The following RAB3IP variants were observed in gnomAD, a reference collection of about 807,000 sequenced individuals.
RAB3IP encodes the protein RAB3A interacting protein.
Under a neutral mutation model 59.1 loss-of-function variants are expected in RAB3IP, and 36 were observed. The ratio of observed to expected loss-of-function variants is 0.61; its 90% CI spans 0.47 to 0.80. The LOEUF is 0.80. Among genes scored for constraint, RAB3IP ranks in the 30% least tolerant of loss-of-function variants. The pLI, the probability that RAB3IP is intolerant of heterozygous loss-of-function variation, is 0.00. For missense variants in RAB3IP, 511 were observed against 536.0 expected (o/e 0.95, Z 0.46); for synonymous variants, 207 against 191.2 (o/e 1.08, Z -0.68).
intron 3 of RAB3IP, among the ~76,000 whole-genome samples, chr12:69,759,724 G>A (rs1240086820): frequency 3.3e-5 from 5 of 150,584 alleles, no homozygotes; most frequent in East Asian, 4.0e-4. Context: ...CCTCCCGGAC[G>A]GGGCGGCTGC....
chr12:69,788,061 G>A (rs1369120635), intron 4 of RAB3IP, among the ~76,000 whole-genome samples: 6 of 152,040 alleles, frequency 3.9e-5, no homozygotes, highest in Non-Finnish European at 8.8e-5. Context: ...GATTGAATAT[G>A]TTACTTTATT....
chr12:69,741,296 G>T (rs898646553), intron 1 of RAB3IP, among the ~76,000 whole-genome samples: 1 of 152,202 alleles, frequency 6.6e-6, no homozygotes, highest in Admixed American at 6.5e-5. Flanking sequence ...AGAAAGTTGC[G>T]ATAATTTGTC....
chr12:69,800,405 A>G, intron 7 of RAB3IP, 68 bp downstream of exon 7: 1 of 962,070 alleles, frequency 1.0e-6, no homozygotes. Context: ...ACTAAATCAT[A>G]TTACATATTT....
At chr12:69,784,036 CT>C (rs1310399959) in intron 3 of RAB3IP, among the ~76,000 whole-genome samples, 9 of 152,232 alleles carry the variant, frequency 5.9e-5, no homozygotes, top group East Asian at 1.9e-4. Context: ...TTCTCCCCCC[CT>C]ATGTTTGAAA....
intron 3 of RAB3IP, among the ~76,000 whole-genome samples, chr12:69,761,575 A>G (rs1357217099): frequency 1.3e-5 from 2 of 152,226 alleles, no homozygotes; most frequent in African/African-American, 4.8e-5. Context: ...CCACATAGAA[A>G]AACCTGCATT....
At chr12:69,747,658 G>A (rs1565868977) in intron 1 of RAB3IP, among the ~76,000 whole-genome samples, 1 of 152,164 alleles carries the variant, frequency 6.6e-6, no homozygotes, top group African/African-American at 2.4e-5. Context: ...CACTTTATTA[G>A]TAACTGGTGA....
intron 7 of RAB3IP, 104 bp from the exon 8 acceptor site, chr12:69,801,505 T>C (rs1009011382): frequency 1.3e-4 from 74 of 576,278 alleles, no homozygotes; most frequent in Admixed American, 3.7e-5. Context: ...GCCAAGCTAG[T>C]GGAACTTTGG....
intron 8 of RAB3IP, among the ~76,000 whole-genome samples, chr12:69,807,877 G>A (rs1390158580): frequency 6.8e-6 from 1 of 147,788 alleles, no homozygotes; most frequent in African/African-American, 2.5e-5. Context: ...GGGGCGGCCG[G>A]GCGGAGACGC....
At chr12:69,761,864 G>A (rs35219639) in intron 3 of RAB3IP, among the ~76,000 whole-genome samples, 15,802 of 152,170 alleles carry the variant, frequency 0.1, 922 homozygotes, top group South Asian at 0.18. Flanking sequence ...TAGTTGGTAG[G>A]CAGTTCTCTG....
chr12:69,797,544 T>TGG (rs1459473743), intron 6 of RAB3IP, among the ~76,000 whole-genome samples: 1 of 150,828 alleles, frequency 6.6e-6, no homozygotes, highest in Non-Finnish European at 1.5e-5. Context: ...TTGTTATACT[T>TGG]TAAGTTTTAG....
intron 8 of RAB3IP, among the ~76,000 whole-genome samples, chr12:69,809,420 G>GT (rs1216358188): frequency 2.6e-5 from 4 of 152,146 alleles, no homozygotes; most frequent in Non-Finnish European, 1.5e-5. Flanking sequence ...AGCATTCTCT[G>GT]TATTTCCTGA....
chr12:69,750,166 G>T (rs1869006127), intron 1 of RAB3IP, among the ~76,000 whole-genome samples: 1 of 152,120 alleles, frequency 6.6e-6, no homozygotes, highest in Admixed American at 6.5e-5. Flanking sequence ...AACCATAGAT[G>T]CGCTATGCTT....
Position 69,756,424 on chromosome 12 carries a change from G to A in RAB3IP, c.271G>A (p.Ala91Thr). 4 of 1,614,016 alleles carry A rather than the reference G, an allele frequency of 2.5e-6. No homozygotes were observed. The highest frequency in any genetic ancestry group is 1.1e-5 in the South Asian group (1 of 91,042). The change falls in exon 3 of 11, where the codon GCC becomes ACC. Residue 91 changes from alanine to threonine, a missense_variant. By Grantham distance (58) the Ala-to-Thr change is moderately conservative. Coordinates refer to ENST00000247833, the MANE Select transcript of RAB3IP (RefSeq NM_022456.5). ...SSISFHVTDP[A>T]PCSTSGVTAG... ...TTACAGCTTTCATGTTACAGACCCAGCCCCTTGCTCTACCTCTGGAGTCAC... is the reference window on the plus strand; with the variant it reads ...TTACAGCTTTCATGTTACAGACCCAACCCCTTGCTCTACCTCTGGAGTCAC...
chr12:69,812,576 T>C (rs1880602564), intron 8 of RAB3IP: 3 of 521,828 alleles, frequency 5.7e-6, no homozygotes, highest in Non-Finnish European at 1.0e-5. Context: ...GGCATTAAAC[T>C]TATACTACTA....
intron 3 of RAB3IP, among the ~76,000 whole-genome samples, chr12:69,775,101 G>A (rs2136183103): frequency 1.9e-5 from 1 of 51,394 alleles, no homozygotes; most frequent in Non-Finnish European, 4.1e-5. Context: ...GCAGTGGTTT[G>A]TAGTTCTCCT....
intron 1 of RAB3IP, among the ~76,000 whole-genome samples, chr12:69,748,473 G>C (rs560079948): frequency 3.3e-5 from 5 of 152,188 alleles, no homozygotes; most frequent in Non-Finnish European, 5.9e-5. Context: ...AAGATTGGCT[G>C]TTGTTTTTGC....
At chr12:69,814,429 T>C (rs1310687068) in intron 10 of RAB3IP, among the ~76,000 whole-genome samples, 1 of 152,086 alleles carries the variant, frequency 6.6e-6, no homozygotes, top group East Asian at 1.9e-4. Flanking sequence ...TATATGTGCC[T>C]TGTGCCAACA....
At chr12:69,769,788 T>A (rs966455845) in intron 3 of RAB3IP, among the ~76,000 whole-genome samples, 3 of 152,230 alleles carry the variant, frequency 2.0e-5, no homozygotes, top group African/African-American at 7.2e-5. Flanking sequence ...TATGGTGATG[T>A]TTCATTGATT....
At chr12:69,751,931 A>G (rs1869378101) in intron 1 of RAB3IP, among the ~76,000 whole-genome samples, 1 of 151,762 alleles carries the variant, frequency 6.6e-6, no homozygotes, top group African/African-American at 2.4e-5. Flanking sequence ...AAAAAAGTCT[A>G]GCTTTCATAT....
Sources: gnomAD v4.1 joint callset for allele counts (sites outside exome capture counted in the v4.1 genomes callset) on GRCh38, gnomAD v4.1.1 for gene constraint, MANE v1.5 for transcripts, NCBI Gene and HGNC (gene_info 2026-07-23, HGNC 2026-07-21) for gene names.